Variants in GATM observed in about 807,000 individuals in gnomAD.
GATM encodes the protein glycine amidinotransferase.
A neutral mutation model predicts 54.2 loss-of-function variants in GATM; 23 were observed. The observed-to-expected ratio is 0.42, with a 90% confidence interval of 0.31 to 0.60. GATM has a LOEUF of 0.60. Among genes scored for constraint, GATM ranks in the 20% least tolerant of loss-of-function variants. The pLI is 0.14. For missense variants in GATM, 401 were observed against 544.9 expected, an observed-to-expected ratio of 0.74 and a Z score of 2.63; for synonymous variants, 168 against 183.1, an observed-to-expected ratio of 0.92 and a Z score of 0.67.
chr15:45,397,825 A>G (rs1889951212), intron 2 of GATM, among the ~76,000 whole-genome samples: 2 of 152,130 alleles, frequency 1.3e-5, no homozygotes, highest in Non-Finnish European at 2.9e-5. Flanking sequence ...GAACCTGTGG[A>G]GTCTGATGCT....
upstream of GATM, chr15:45,379,493 A>G (rs1889704611): frequency 6.6e-6 from 1 of 152,218 alleles, no homozygotes; most frequent in Non-Finnish European, 1.5e-5. Context: ...AGCAGATGGC[A>G]TGGTGGAAAG....
chr15:45,379,352 G>C (rs897831858), upstream of GATM: 1 of 152,116 alleles, frequency 6.6e-6, no homozygotes, highest in Non-Finnish European at 1.5e-5. Flanking sequence ...TAGCAGGAGG[G>C]GGGGCAAGAG....
At chr15:45,363,853 A>G (rs769587050) in intron 8 of GATM, 47 bp downstream of exon 8, 6 of 1,138,282 alleles carry the variant, frequency 5.3e-6, no homozygotes, top group Non-Finnish European at 6.7e-6. Flanking sequence ...AGTTCTTCTC[A>G]TTTAACGTTT....
chr15:45,398,206 G>A (rs931520752), intron 2 of GATM, among the ~76,000 whole-genome samples: 15 of 152,144 alleles, frequency 9.9e-5, no homozygotes, highest in African/African-American at 3.1e-4. Flanking sequence ...TCAGCCTCTG[G>A]TATAGTAACT....
chr15:45,371,350 G>A (rs1422676430), intron 2 of GATM, among the ~76,000 whole-genome samples: 1 of 152,092 alleles, frequency 6.6e-6, no homozygotes, highest in Non-Finnish European at 1.5e-5. Flanking sequence ...TTAAATTTTT[G>A]TTTAAAACTG....
chr15:45,367,933 T>C (rs1393250564), intron 4 of GATM, 137 bp downstream of exon 4: 8 of 693,436 alleles, frequency 1.2e-5, no homozygotes, highest in Non-Finnish European at 5.0e-6. Context: ...CATAAAATAA[T>C]CACTTTTTAA....
At position 45,372,884 on chromosome 15, in the gene GATM, A is replaced by G. The variant is rs146867145; in HGVS notation, c.289-3363T>C. Among the ~76,000 whole-genome samples, 6 of 152,364 alleles carry G rather than the reference A, an allele frequency of 3.9e-5. No homozygotes were observed. In the East Asian group the frequency reaches 1.2e-3, roughly 29 times the overall value. The stretch of plus-strand genomic sequence containing the variant: ...TTTACACTTCCTTTATAACCCTGCT[A>G]AATGAGCCAGCAATCATTCACCAAG... On this transcript the variant is annotated intron_variant, in intron 2 of 8. Coordinates refer to ENST00000396659, the MANE Select transcript of GATM (RefSeq NM_001482.3).
chr15:45,387,297 T>C (rs527941047), intron 3 of GATM, among the ~76,000 whole-genome samples: 1 of 152,338 alleles, frequency 6.6e-6, no homozygotes, highest in East Asian at 1.9e-4. Context: ...AGCAACCAAA[T>C]TTCTGACTCT....
intron 2 of GATM, among the ~76,000 whole-genome samples, 155 bp downstream of exon 2, chr15:45,376,446 G>A (rs527541605): frequency 6.6e-6 from 1 of 152,282 alleles, no homozygotes; most frequent in African/African-American, 2.4e-5. Context: ...TATCATTGGT[G>A]TAAATAGTGT....
chr15:45,394,310 G>A (rs2140681134), intron 3 of GATM, among the ~76,000 whole-genome samples: 1 of 152,282 alleles, frequency 6.6e-6, no homozygotes, highest in African/African-American at 2.4e-5. Flanking sequence ...GATCTGAGGT[G>A]GAACAGTTTC....
intron 2 of GATM, among the ~76,000 whole-genome samples, chr15:45,370,490 T>C (rs867150262): frequency 5.9e-5 from 9 of 152,282 alleles, no homozygotes; most frequent in Middle Eastern, 6.8e-3. Flanking sequence ...CTGCCTTTGG[T>C]AATTCCCTGT....
chr15:45,364,640 C>A, intron 7 of GATM, 157 bp downstream of exon 7: 1 of 690,612 alleles, frequency 1.4e-6, no homozygotes, highest in East Asian at 2.7e-5. Flanking sequence ...CAAGTCCCAG[C>A]CTTGTTCTGA....
intron 2 of GATM, 24 bp downstream of exon 2, chr15:45,376,577 G>C (rs750880459): frequency 6.2e-7 from 1 of 1,607,588 alleles, no homozygotes; most frequent in Non-Finnish European, 8.5e-7. Context: ...CGCACTTTCA[G>C]ACATGTGAAT....
chr15:45,381,015 C>T (rs1889734522), upstream of GATM, among the ~76,000 whole-genome samples: 1 of 152,162 alleles, frequency 6.6e-6, no homozygotes, highest in Non-Finnish European at 1.5e-5. Context: ...GTGACCTCAT[C>T]AATTTAAAGT....
At chr15:45,400,636 G>A (rs1889990031) in intron 1 of GATM, among the ~76,000 whole-genome samples, 1 of 152,184 alleles carries the variant, frequency 6.6e-6, no homozygotes, top group Non-Finnish European at 1.5e-5. Context: ...AGCATAGTTT[G>A]TGCCTCTGTT....
chr15:45,363,251 G>A lies in GATM; in HGVS notation c.1159+649C>T, dbSNP rs144110371. Reference sequence around the variant, plus strand: ...CACGCCACTACACTACAGCCTGGGCGACACAGCTCTGTCTCAAAATACACA... The same window carrying A: ...CACGCCACTACACTACAGCCTGGGCAACACAGCTCTGTCTCAAAATACACA... On this transcript the variant is annotated intron_variant, in intron 8 of 8. Transcript: ENST00000396659. 9.2e-5 allele frequency among the ~76,000 whole-genome samples: 14 copies of A among 152,114 alleles called. No homozygotes were observed. In the East Asian group the frequency reaches 1.6e-3, roughly 17 times the overall value.
intron 6 of GATM, 116 bp downstream of exon 6, chr15:45,365,930 C>T: frequency 1.1e-6 from 1 of 944,402 alleles, no homozygotes; most frequent in Middle Eastern, 2.1e-4. Context: ...ATGTTGAGTA[C>T]TGCTGAATCT....
At chr15:45,400,319 CAT>C (rs1487069295) in intron 1 of GATM, among the ~76,000 whole-genome samples, 3 of 152,280 alleles carry the variant, frequency 2.0e-5, no homozygotes, top group African/African-American at 7.2e-5. Flanking sequence ...TGGCTGAAAT[CAT>C]AGTGTTGCAA....
intron 2 of GATM, among the ~76,000 whole-genome samples, chr15:45,372,763 G>A (rs182199296): frequency 6.6e-6 from 1 of 152,244 alleles, no homozygotes; most frequent in Non-Finnish European, 1.5e-5. Context: ...TTGAACAAAT[G>A]TGATTTTTTC....
Sources: gnomAD v4.1 joint callset for allele counts (sites outside exome capture counted in the v4.1 genomes callset) on GRCh38, gnomAD v4.1.1 for gene constraint, MANE v1.5 for transcripts, NCBI Gene and HGNC (gene_info 2026-07-23, HGNC 2026-07-21) for gene names.